NLGN1: variants seen among roughly 807,000 people sequenced by gnomAD.
NLGN1 encodes neuroligin 1.
In NLGN1, 12 loss-of-function variants were observed where a neutral mutation model predicts 65.5. That is an observed-to-expected ratio of 0.18 (90% CI 0.12 to 0.30). The LOEUF is 0.30. Among genes scored for constraint, NLGN1 ranks in the 10% least tolerant of loss-of-function variants. NLGN1 has a pLI of 1.00. For missense variants in NLGN1, 750 were observed against 1,007.1 expected, an observed-to-expected ratio of 0.74 and a Z score of 3.46; for synonymous variants, 350 against 359.5, an observed-to-expected ratio of 0.97 and a Z score of 0.30.
At chr3:173,990,975 C>T (rs912256420) in intron 4 of NLGN1, among the ~76,000 whole-genome samples, 1 of 152,044 alleles carries the variant, frequency 6.6e-6, no homozygotes, top group African/African-American at 2.4e-5. Context: ...CCATATACCC[C>T]CATACATGCA....
intron 4 of NLGN1, chr3:173,910,522 G>A (rs1347043195): frequency 6.6e-6 from 1 of 151,890 alleles, no homozygotes; most frequent in Non-Finnish European, 1.5e-5. Flanking sequence ...ATTTCACACA[G>A]GATAAAATAG....
chr3:174,133,534 T>C (rs541933110), intron 4 of NLGN1, among the ~76,000 whole-genome samples: 11 of 152,102 alleles, frequency 7.2e-5, no homozygotes, highest in Non-Finnish European at 1.5e-4. Flanking sequence ...TGGCTTTTGT[T>C]GGGAAGGGGG....
intron 3 of NLGN1, among the ~76,000 whole-genome samples, chr3:173,778,482 A>C (rs1780647406): frequency 6.6e-6 from 1 of 151,850 alleles, no homozygotes; most frequent in Admixed American, 6.6e-5. Context: ...GTAGAGGAAA[A>C]CCAATAAACT....
chr3:173,811,326 G>T (rs1208642869), intron 4 of NLGN1, among the ~76,000 whole-genome samples: 1 of 152,022 alleles, frequency 6.6e-6, no homozygotes, highest in Admixed American at 6.6e-5. Flanking sequence ...CACCTTGGGA[G>T]GCCAAGGTGG....
intron 3 of NLGN1, among the ~76,000 whole-genome samples, chr3:173,789,039 A>C (rs1396552978): frequency 6.6e-6 from 1 of 151,722 alleles, no homozygotes; most frequent in Non-Finnish European, 1.5e-5. Flanking sequence ...CTACTAAAAA[A>C]GTACAGAAAA....
At chr3:174,237,942 G>A (rs1165045357) in intron 4 of NLGN1, among the ~76,000 whole-genome samples, 1 of 152,144 alleles carries the variant, frequency 6.6e-6, no homozygotes, top group Non-Finnish European at 1.5e-5. Context: ...ATTCCATGTG[G>A]CAAAGAAGTC....
At chr3:173,941,334 C>A (rs1468470438) in intron 4 of NLGN1, among the ~76,000 whole-genome samples, 3 of 151,952 alleles carry the variant, frequency 2.0e-5, no homozygotes, top group Admixed American at 2.0e-4. Flanking sequence ...TAATTTTAAA[C>A]CTTGCTTAGC....
At chr3:173,594,083 C>T (rs1435916102) in intron 2 of NLGN1, among the ~76,000 whole-genome samples, 1 of 152,068 alleles carries the variant, frequency 6.6e-6, no homozygotes, top group African/African-American at 2.4e-5. Context: ...TGCCCCTGGC[C>T]CCTCCAAATC....
chr3:174,225,404 A>G (rs1334040606), intron 4 of NLGN1, among the ~76,000 whole-genome samples: 1 of 152,146 alleles, frequency 6.6e-6, no homozygotes, highest in Non-Finnish European at 1.5e-5. Context: ...AAGTGATATA[A>G]CATGTCTTAT....
intron 4 of NLGN1, among the ~76,000 whole-genome samples, chr3:174,045,970 T>C (rs758020774): frequency 6.6e-5 from 10 of 152,164 alleles, no homozygotes; most frequent in African/African-American, 9.6e-5. Flanking sequence ...AGGAAAAGCA[T>C]TGTGATTTAA....
At chr3:173,567,549 C>G (rs1214591094) in intron 2 of NLGN1, among the ~76,000 whole-genome samples, 1 of 151,588 alleles carries the variant, frequency 6.6e-6, no homozygotes, top group African/African-American at 2.4e-5. Flanking sequence ...AATTATAGCA[C>G]AAATTTAATT....
Position 173,527,559 on chromosome 3 carries a change from G to A in NLGN1, c.-320-76720G>A, listed in dbSNP as rs143010327. 1.2e-3 allele frequency among the ~76,000 whole-genome samples: 190 copies of A among 152,086 alleles called. 1 individual carries two copies. Among genetic ancestry groups the A allele is most frequent in the Middle Eastern group, 6.8e-3 (2 of 294 alleles). ...ACTACAGGCGCCCGCCACCACGCCC[G>A]GCTAATTTTTTGTATTTTTAGTAGA... On this transcript the variant is annotated intron_variant, in intron 2 of 6. Coordinates refer to ENST00000457714, the Ensembl canonical transcript of NLGN1.
At chr3:173,856,647 G>GA (rs1279727368) in intron 4 of NLGN1, among the ~76,000 whole-genome samples, 1 of 152,076 alleles carries the variant, frequency 6.6e-6, no homozygotes, top group Non-Finnish European at 1.5e-5. Flanking sequence ...CCAAATCTGG[G>GA]AAAACGGAAA....
intron 3 of NLGN1, among the ~76,000 whole-genome samples, chr3:173,770,292 G>T (rs1164038835): frequency 6.6e-6 from 1 of 152,172 alleles, no homozygotes; most frequent in Non-Finnish European, 1.5e-5. Context: ...AATTAGACAT[G>T]TAAAACATTT....
At chr3:173,950,167 T>A (rs1747928575) in intron 4 of NLGN1, among the ~76,000 whole-genome samples, 1 of 152,218 alleles carries the variant, frequency 6.6e-6, no homozygotes. Context: ...ACTAAAACTT[T>A]AAACTATTGA....
intron 4 of NLGN1, among the ~76,000 whole-genome samples, chr3:174,068,475 A>C (rs1247641668): frequency 6.6e-6 from 1 of 151,980 alleles, no homozygotes; most frequent in Non-Finnish European, 1.5e-5. Context: ...ACTTTCTCTT[A>C]GCTATCTTCA....
intron 4 of NLGN1, among the ~76,000 whole-genome samples, chr3:173,874,000 T>C (rs1448720953): frequency 6.6e-6 from 1 of 152,146 alleles, no homozygotes; most frequent in Non-Finnish European, 1.5e-5. Context: ...GGGGCAGCCA[T>C]GTGAGGACAC....
intron 4 of NLGN1, among the ~76,000 whole-genome samples, chr3:174,056,936 A>G (rs1355355640): frequency 6.6e-6 from 1 of 151,698 alleles, no homozygotes; most frequent in East Asian, 1.9e-4. Flanking sequence ...TCATTTTTCT[A>G]CATTATGATT....
chr3:174,001,242 G>A (rs1723232026), intron 4 of NLGN1, among the ~76,000 whole-genome samples: 1 of 152,100 alleles, frequency 6.6e-6, no homozygotes, highest in Admixed American at 6.6e-5. Context: ...CCAGAAAAGT[G>A]TTGGGCTTGC....
Sources: allele counts gnomAD v4.1 joint callset (sites outside exome capture counted in the v4.1 genomes callset), GRCh38; gene constraint gnomAD v4.1.1; transcripts MANE v1.5; gene names NCBI Gene and HGNC (gene_info 2026-07-23, HGNC 2026-07-21).